Variants in POLR3B observed in about 807,000 individuals in gnomAD.
POLR3B encodes DNA-directed RNA polymerase III subunit RPC2.
A neutral mutation model predicts 147.4 loss-of-function variants in POLR3B; 96 were observed. That is an observed-to-expected ratio of 0.65 (90% CI 0.55 to 0.77). The LOEUF (loss-of-function observed/expected upper bound fraction) is 0.77. POLR3B is among the 30% of genes least tolerant of loss of function. The pLI, the probability that POLR3B is intolerant of heterozygous loss-of-function variation, is 0.00. For synonymous variants in POLR3B, 461 were observed against 485.9 expected, an observed-to-expected ratio of 0.95 and a Z score of 0.67; for missense variants, 1,036 against 1,413.5, an observed-to-expected ratio of 0.73 and a Z score of 4.28.
At chr12:106,471,416 C>T (rs1449618522) in intron 23 of POLR3B, among the ~76,000 whole-genome samples, 2 of 152,158 alleles carry the variant, frequency 1.3e-5, no homozygotes, top group Non-Finnish European at 2.9e-5. Context: ...ACCCCTTGCA[C>T]TTCCCAGGTG....
intron 18 of POLR3B, among the ~76,000 whole-genome samples, chr12:106,438,491 C>T (rs888985479): frequency 1.3e-5 from 2 of 150,938 alleles, no homozygotes; most frequent in East Asian, 1.9e-4. Flanking sequence ...GTATATAAAA[C>T]CATATATATG....
chr12:106,502,222 C>G (rs546759409), intron 26 of POLR3B, among the ~76,000 whole-genome samples: 152 of 152,148 alleles, frequency 1.0e-3, no homozygotes, highest in African/African-American at 3.5e-3. Context: ...CAAGGACAGC[C>G]CCCTACAACA....
intron 10 of POLR3B, among the ~76,000 whole-genome samples, chr12:106,397,346 T>C (rs2036992681): frequency 6.6e-6 from 1 of 152,224 alleles, no homozygotes; most frequent in African/African-American, 2.4e-5. Context: ...CTTAATTGTA[T>C]GACTTTACAA....
intron 9 of POLR3B, chr12:106,382,084 A>C (rs1444973523): frequency 6.6e-6 from 1 of 152,242 alleles, no homozygotes; most frequent in Non-Finnish European, 1.5e-5. Flanking sequence ...TTTATCAGCA[A>C]GGTCTTTATG....
At chr12:106,469,227 G>T (rs2038052808) in intron 23 of POLR3B, among the ~76,000 whole-genome samples, 1 of 146,812 alleles carries the variant, frequency 6.8e-6, no homozygotes, top group Non-Finnish European at 1.5e-5. Flanking sequence ...ATTTTTGTTG[G>T]TTTAAAGTCT....
At chr12:106,406,033 G>A (rs964462434) in intron 11 of POLR3B, 57 bp downstream of exon 11, 2 of 1,582,492 alleles carry the variant, frequency 1.3e-6, no homozygotes, top group Admixed American at 3.4e-5. Flanking sequence ...ATTCCTGTTA[G>A]AGAACTGTGA....
rs1257652413 is a variant in POLR3B at position 106,445,377 on chromosome 12, G to GT, written c.2083+793dup. 8.5e-5 allele frequency among the ~76,000 whole-genome samples: 13 copies of GT among 152,264 alleles called. No individual in the cohort carries two copies. The South Asian group carries it at 2.5e-3, about 29-fold the overall frequency. On this transcript the variant is annotated intron_variant, in intron 19 of 27. Coordinates refer to ENST00000228347, the MANE Select transcript of POLR3B (RefSeq NM_018082.6). ...GGAAGATCACTTAAAGTGAGAGTGG[G>GT]TTTTTTCTGAAGGGTAGAGCTGAGC...
chr12:106,368,167 AT>A (rs1230959668), intron 4 of POLR3B, among the ~76,000 whole-genome samples: 2 of 149,672 alleles, frequency 1.3e-5, no homozygotes, highest in African/African-American at 4.9e-5. Flanking sequence ...TGCCACCATT[AT>A]TTTTTGAGCA....
At chr12:106,454,034 C>G (rs1327255619) in intron 19 of POLR3B, among the ~76,000 whole-genome samples, 1 of 152,184 alleles carries the variant, frequency 6.6e-6, no homozygotes, top group East Asian at 1.9e-4. Context: ...TCCCTTCTCT[C>G]CTGTATTCTT....
At chr12:106,507,928 G>A in intron 27 of POLR3B, 1 of 391,556 alleles carries the variant, frequency 2.6e-6, no homozygotes, top group Non-Finnish European at 5.1e-6. Flanking sequence ...ACCCAGAGAT[G>A]ACCACTATTA....
At chr12:106,490,926 C>T (rs536742964) in intron 23 of POLR3B, among the ~76,000 whole-genome samples, 1 of 152,098 alleles carries the variant, frequency 6.6e-6, no homozygotes, top group Non-Finnish European at 1.5e-5. Context: ...CCCCAGGCCT[C>T]GTGAAAGTTA....
chr12:106,393,124 C>A lies in POLR3B; in HGVS notation c.817C>A (p.Gln273Lys), dbSNP rs1330106335. 1.2e-6 allele frequency: 2 copies of A among 1,614,170 alleles called. No homozygotes were observed. The highest frequency in any genetic ancestry group is 2.2e-5 in the South Asian group (2 of 91,086). ...ATTTGGGCCCAGTCTGGAAGAGTGCCAGAAAGCTCAGATTTTCACACAGAT... is the reference window on the plus strand; with the variant it reads ...ATTTGGGCCCAGTCTGGAAGAGTGCAAGAAAGCTCAGATTTTCACACAGAT... The part of the protein sequence containing the change: ...AAFGPSLEEC[Q>K]KAQIFTQMQA... Residue 273 changes from glutamine to lysine, a missense_variant, in exon 10 of 28, where the codon CAG becomes AAG. By Grantham distance (53) the Gln-to-Lys change is moderately conservative. Around this residue, in one of 12 missense-constraint regions of POLR3B, gnomAD observed 217 missense variants for 288.7 expected, o/e 0.75. Transcript: ENST00000228347.
At chr12:106,470,712 C>CT (rs2038078523) in intron 23 of POLR3B, among the ~76,000 whole-genome samples, 1 of 152,156 alleles carries the variant, frequency 6.6e-6, no homozygotes, top group East Asian at 1.9e-4. Context: ...ACAGACAGGC[C>CT]TGTCAGCTGC....
rs201401034 is a variant in POLR3B at position 106,454,522 on chromosome 12, C to T, written c.2104C>T (p.Arg702Ter). The change falls in exon 20 of 28, where the codon CGA (arginine) becomes TGA (stop). Residue 702 changes from arginine (R) to a stop codon, truncating the protein, a stop_gained. Coordinates refer to ENST00000228347, the MANE Select transcript of POLR3B (RefSeq NM_018082.6). LOFTEE classifies it high-confidence loss of function. ...QAMGTIGYNQ[R>*]NRIDTLMYLL... ...TGCAGGTACTATAGGATACAACCAG[C>T]GAAACAGAATTGATACTCTCATGTA... 12 of 1,591,422 alleles carry T rather than the reference C, an allele frequency of 7.5e-6. No individual in the cohort carries two copies. Among genetic ancestry groups the T allele is most frequent in the Admixed American group, 1.7e-5 (1 of 59,856 alleles).
intron 11 of POLR3B, 102 bp downstream of exon 11, chr12:106,406,078 A>G (rs111965013): frequency 1.5e-6 from 2 of 1,303,570 alleles, no homozygotes; most frequent in Non-Finnish European, 2.2e-6. Context: ...CAATTCCTCA[A>G]GAGAAAATTC....
At chr12:106,457,322 T>G in intron 21 of POLR3B, 26 bp downstream of exon 21, 1 of 1,575,702 alleles carries the variant, frequency 6.3e-7, no homozygotes, top group Non-Finnish European at 8.7e-7. Context: ...AAGAAAAAAT[T>G]TTAATACTTT....
At chr12:106,497,727 G>T (rs1430096807) in intron 25 of POLR3B, among the ~76,000 whole-genome samples, 2 of 152,206 alleles carry the variant, frequency 1.3e-5, no homozygotes, top group African/African-American at 2.4e-5. Context: ...AATAAATACA[G>T]TAGACATGGT....
intron 10 of POLR3B, among the ~76,000 whole-genome samples, chr12:106,403,976 A>T (rs189702703): frequency 0.017 from 2,627 of 152,068 alleles, 43 homozygotes; most frequent in South Asian, 0.068. Flanking sequence ...ATAAAATTTT[A>T]AAAAAAAGAA....
intron 6 of POLR3B, among the ~76,000 whole-genome samples, chr12:106,375,516 C>G (rs1011404533): frequency 2.6e-5 from 4 of 152,238 alleles, no homozygotes; most frequent in Non-Finnish European, 4.4e-5. Context: ...TATCTTCCAT[C>G]TCTACGTCTT....
Sources: gnomAD v4.1 joint callset for allele counts (sites outside exome capture counted in the v4.1 genomes callset) on GRCh38, gnomAD v4.1.1 for gene constraint, gnomAD v4.1.1 regional missense constraint, MANE v1.5 for transcripts, NCBI Gene and HGNC (gene_info 2026-07-23, HGNC 2026-07-21) for gene names.